The following SLC3A2 variants were observed in gnomAD, a reference collection of about 807,000 sequenced individuals.
SLC3A2 encodes solute carrier family 3 member 2.
SLC3A2 carries 32 observed loss-of-function variants against 48.5 expected under a neutral mutation model. The ratio of observed to expected loss-of-function variants is 0.66; its 90% CI spans 0.50 to 0.89. The LOEUF (loss-of-function observed/expected upper bound fraction) is 0.89, where lower values mean the gene tolerates loss of function less well. Ranked by LOEUF, SLC3A2 falls within the 40% of genes least tolerant of loss-of-function variation. The pLI, the probability that SLC3A2 is intolerant of heterozygous loss-of-function variation, is 0.00. For synonymous variants in SLC3A2, 277 were observed against 288.8 expected, an observed-to-expected ratio of 0.96 and a Z score of 0.41; for missense variants, 587 against 680.7, an observed-to-expected ratio of 0.86 and a Z score of 1.53.
intron 1 of SLC3A2, among the ~76,000 whole-genome samples, chr11:62,858,336 A>G (rs1459813379): frequency 1.3e-5 from 2 of 152,208 alleles, no homozygotes; most frequent in Non-Finnish European, 2.9e-5. Context: ...CCTTGCGACA[A>G]TATTGTCTCT....
At chr11:62,860,383 T>C (rs945010837) in intron 1 of SLC3A2, among the ~76,000 whole-genome samples, 2 of 151,144 alleles carry the variant, frequency 1.3e-5, no homozygotes, top group African/African-American at 4.9e-5. Context: ...CGTGCGCCTG[T>C]AGTCCCAGCT....
At chr11:62,876,887 A>C, upstream of SLC3A2, 1 of 1,028,238 alleles carries the variant, frequency 9.7e-7, no homozygotes, top group Non-Finnish European at 1.2e-6. Context: ...CAGGTGAGCC[A>C]CAGTGCCTGG....
chr11:62,886,061 G>T (rs1180677756), intron 7 of SLC3A2, among the ~76,000 whole-genome samples: 1 of 152,166 alleles, frequency 6.6e-6, no homozygotes. Flanking sequence ...AGTCCAAGGT[G>T]GGTGGATCAC....
At chr11:62,858,786 C>T (rs927773895) in intron 1 of SLC3A2, among the ~76,000 whole-genome samples, 2 of 152,136 alleles carry the variant, frequency 1.3e-5, no homozygotes, top group Non-Finnish European at 2.9e-5. Context: ...GAACAAAGGT[C>T]TTTGCATCAT....
intron 1 of SLC3A2, among the ~76,000 whole-genome samples, chr11:62,860,519 TC>T (rs1167410854): frequency 6.6e-6 from 1 of 151,964 alleles, no homozygotes; most frequent in Non-Finnish European, 1.5e-5. Context: ...GGCGGTTTTC[TC>T]CTATCTCAGT....
chr11:62,880,591 T>G, upstream of SLC3A2: 2 of 157,040 alleles, frequency 1.3e-5, no homozygotes, highest in Non-Finnish European at 2.8e-5. Context: ...AAGAGGGGCG[T>G]TTGGGGGCGG....
chr11:62,861,002 C>T (rs891720983), intron 1 of SLC3A2, among the ~76,000 whole-genome samples: 17 of 152,112 alleles, frequency 1.1e-4, no homozygotes, highest in African/African-American at 4.1e-4. Flanking sequence ...TTTCTTAGTA[C>T]AGATCAAAAT....
chr11:62,856,302 C>A (rs764743962), exon 1 of SLC3A2: 2 of 1,613,628 alleles, frequency 1.2e-6, no homozygotes, highest in Non-Finnish European at 1.7e-6. Context: ...CCTCGATCGC[C>A]GTCGTGTCGA....
intron 1 of SLC3A2, among the ~76,000 whole-genome samples, chr11:62,875,859 G>A (rs536934643): frequency 3.3e-5 from 5 of 152,270 alleles, no homozygotes; most frequent in Non-Finnish European, 5.9e-5. Flanking sequence ...GAGCCACTGC[G>A]CCCAGCCTGT....
intron 5 of SLC3A2, 109 bp downstream of exon 5, chr11:62,884,799 T>G: frequency 1.6e-6 from 1 of 618,252 alleles, no homozygotes; most frequent in Non-Finnish European, 2.6e-6. Context: ...TCTTTACCTT[T>G]ATTCTTTCTT....
rs550419909 is a variant in SLC3A2 at position 62,866,137 on chromosome 11, G to A, written c.112+9756G>A. 3.5e-3 allele frequency among the ~76,000 whole-genome samples: 514 copies of A among 146,962 alleles called. 2 individuals are homozygous for A. The highest frequency in any genetic ancestry group is 5.8e-3 in the Non-Finnish European group (386 of 66,980). On this transcript the variant is annotated intron_variant, in intron 1 of 9. Transcript: ENST00000377889. ...TTCAGCCACTTTTTTTTTTTTTTTG[G>A]ATGGAGTTTTGCTCTTGTCGCCCAG...
At chr11:62,870,627 A>G (rs1368537718) in intron 1 of SLC3A2, 1 of 151,774 alleles carries the variant, frequency 6.6e-6, no homozygotes, top group Non-Finnish European at 1.5e-5. Flanking sequence ...AGTATGCATG[A>G]GTTATTTTTA....
chr11:62,869,061 G>A (rs2085482883), intron 1 of SLC3A2, among the ~76,000 whole-genome samples: 1 of 151,606 alleles, frequency 6.6e-6, no homozygotes, highest in African/African-American at 2.4e-5. Flanking sequence ...ACCACGCCCC[G>A]CTAATTTTTG....
At chr11:62,885,782 G>A (rs2085706120) in intron 7 of SLC3A2, among the ~76,000 whole-genome samples, 174 bp downstream of exon 7, 1 of 152,146 alleles carries the variant, frequency 6.6e-6, no homozygotes, top group Non-Finnish European at 1.5e-5. Flanking sequence ...CTGAATTTTG[G>A]TCATCCCTTG....
chr11:62,878,494 C>G (rs2085592728), upstream of SLC3A2, among the ~76,000 whole-genome samples: 1 of 151,524 alleles, frequency 6.6e-6, no homozygotes, highest in African/African-American at 2.4e-5. Context: ...GAGACGGAGT[C>G]TTGCTCTGTA....
intron 1 of SLC3A2, among the ~76,000 whole-genome samples, chr11:62,871,136 C>T (rs1438431684): frequency 2.6e-5 from 4 of 151,652 alleles, no homozygotes; most frequent in Non-Finnish European, 5.9e-5. Flanking sequence ...CCTGCCTTGG[C>T]CTCCCAAAGT....
chr11:62,881,293 C>T lies in SLC3A2; in HGVS notation c.270C>T (p.Leu90=), dbSNP rs374042691. ...TRWALLLLFW[L]GWLGMLAGAV... ...GGGCACTGCTGCTGCTCTTCTGGCT[C>T]GGCTGGCTCGGCATGCTTGCTGGTG... Residue 90 remains leucine (L), a synonymous_variant, in exon 1 of 9, where the codon CTC becomes CTT. Transcript: ENST00000338663. This position sits in a 1 kb window ranked among gnomAD's most constrained non-coding sequence, Gnocchi z 4.0. 3.2e-6 allele frequency: 5 copies of T among 1,577,998 alleles called. No individual in the cohort carries two copies. Among genetic ancestry groups the T allele is most frequent in the South Asian group, 2.3e-5 (2 of 86,832 alleles).
chr11:62,875,407 T>G (rs2085560690), intron 1 of SLC3A2, among the ~76,000 whole-genome samples: 1 of 151,972 alleles, frequency 6.6e-6, no homozygotes, highest in African/African-American at 2.4e-5. Flanking sequence ...AAATCAAAAT[T>G]AGCTGGGCGT....
rs995359232 is a variant in SLC3A2, at chr11:62,881,504, C to G, written c.424+57C>G. On this transcript the variant is annotated intron_variant, in intron 1 of 8. Transcript: ENST00000338663. This position sits in a 1 kb window ranked among gnomAD's most constrained non-coding sequence, Gnocchi z 4.0. ...TCCGGTTGAATCTGGTGGCTTGCAC[C>G]GACCCCCTCCCCTGTCCCCAGACGG... The G allele has an allele frequency of 5.3e-6, 8 of 1,500,294 alleles. No individual in the cohort carries two copies. The African/African-American group carries it at 1.1e-4, about 21-fold the overall frequency. 92.9% of individuals were successfully genotyped at this position (1,500,294 alleles called of 1,614,324 possible).
Sources: allele counts gnomAD v4.1 joint callset (sites outside exome capture counted in the v4.1 genomes callset), GRCh38; gene constraint gnomAD v4.1.1; non-coding constraint Gnocchi (gnomAD v3.1); transcripts MANE v1.5; gene names NCBI Gene and HGNC (gene_info 2026-07-23, HGNC 2026-07-21).